TTC7B: variants seen among roughly 807,000 people sequenced by gnomAD.
TTC7B encodes the protein tetratricopeptide repeat protein 7B.
Under a neutral mutation model 106.8 loss-of-function variants are expected in TTC7B, and 28 were observed. The observed-to-expected ratio is 0.26, with a 90% CI of 0.19 to 0.36. The LOEUF (loss-of-function observed/expected upper bound fraction) is 0.36. TTC7B is among the 10% of genes least tolerant of loss of function. TTC7B has a pLI of 1.00. For missense variants in TTC7B, 862 were observed against 1,076.4 expected (o/e 0.80, Z 2.79); for synonymous variants, 405 against 430.6 (o/e 0.94, Z 0.74).
At chr14:90,641,329 C>T (rs895649533) in intron 15 of TTC7B, among the ~76,000 whole-genome samples, 6 of 152,222 alleles carry the variant, frequency 3.9e-5, no homozygotes, top group South Asian at 2.1e-4. Flanking sequence ...CTGACCCTCA[C>T]GGAGGGAAGG....
At chr14:90,745,874 T>A (rs1378120001) in intron 3 of TTC7B, among the ~76,000 whole-genome samples, 1 of 151,874 alleles carries the variant, frequency 6.6e-6, no homozygotes, top group Non-Finnish European at 1.5e-5. Flanking sequence ...CTGGCCAATT[T>A]TTTTTTTTAG....
rs1890888724 is a variant in TTC7B, at chr14:90,772,175, C to A, written c.445+8563G>T. ...CAGGAAGGAAAGCATACAGGTACCA[C>A]CGTTCTGCAGGGCAATCTGGAAATA... On this transcript the variant is annotated intron_variant, in intron 3 of 19. Transcript: ENST00000328459. 2.0e-5 allele frequency among the ~76,000 whole-genome samples: 3 copies of A among 151,858 alleles called. No individual in the cohort carries two copies. In the South Asian group the frequency reaches 6.2e-4, roughly 31 times the overall value.
In TTC7B at chr14:90,603,837, T is replaced by C. The variant is rs114165401; in HGVS notation, c.1966+6905A>G. On this transcript the variant is annotated intron_variant, in intron 17 of 19. Coordinates refer to ENST00000328459, the MANE Select transcript of TTC7B (RefSeq NM_001010854.2). Reference sequence around the variant, plus strand: ...ATTTGTCAGTATGTTTTCCCCCCTCTAACTAAATGCTGACTCTGTGGGAGG... The same window carrying C: ...ATTTGTCAGTATGTTTTCCCCCCTCCAACTAAATGCTGACTCTGTGGGAGG... 4.2e-3 allele frequency among the ~76,000 whole-genome samples: 643 copies of C among 152,340 alleles called. 6 individuals are homozygous for C. Among genetic ancestry groups the C allele is most frequent in the African/African-American group, 0.015 (623 of 41,578 alleles).
At chr14:90,785,530 C>A (rs1891357294) in intron 2 of TTC7B, among the ~76,000 whole-genome samples, 1 of 151,782 alleles carries the variant, frequency 6.6e-6, no homozygotes, top group Non-Finnish European at 1.5e-5. Context: ...GAGGAGATGA[C>A]CCCCATGAAA....
At chr14:90,643,207 G>A (rs1423331874) in intron 15 of TTC7B, among the ~76,000 whole-genome samples, 1 of 152,038 alleles carries the variant, frequency 6.6e-6, no homozygotes, top group Non-Finnish European at 1.5e-5. Context: ...AGGAGTTCAA[G>A]GCCAGCCTGA....
intron 3 of TTC7B, among the ~76,000 whole-genome samples, chr14:90,778,614 T>C (rs1050636242): frequency 1.3e-5 from 2 of 151,784 alleles, no homozygotes; most frequent in South Asian, 4.1e-4. Context: ...ACACAGCTGC[T>C]GAGGCACGTG....
intron 17 of TTC7B, among the ~76,000 whole-genome samples, chr14:90,605,942 T>G (rs578259838): frequency 1.4e-4 from 22 of 152,330 alleles, no homozygotes; most frequent in Admixed American, 5.9e-4. Flanking sequence ...ACAAATTTGT[T>G]TTTCCACTGG....
At chr14:90,671,842 C>T (rs760568310) in intron 9 of TTC7B, among the ~76,000 whole-genome samples, 1 of 152,178 alleles carries the variant, frequency 6.6e-6, no homozygotes, top group Non-Finnish European at 1.5e-5. Context: ...CACACAGAGG[C>T]GGCCGGTCTT....
chr14:90,649,324 A>C (rs1885612658), intron 13 of TTC7B, among the ~76,000 whole-genome samples: 1 of 152,246 alleles, frequency 6.6e-6, no homozygotes. Context: ...CAAAACAAGA[A>C]AAAGCTCCCT....
chr14:90,594,941 G>A (rs578029470), intron 17 of TTC7B, among the ~76,000 whole-genome samples: 10 of 152,348 alleles, frequency 6.6e-5, no homozygotes, highest in Admixed American at 3.3e-4. Context: ...GGAAATCAGA[G>A]TGGGCCGACA....
intron 5 of TTC7B, among the ~76,000 whole-genome samples, chr14:90,709,981 G>GAAAAAA (rs71461919): frequency 1.0e-3 from 79 of 76,568 alleles, no homozygotes; most frequent in Middle Eastern, 0.012. Flanking sequence ...TTATGTGCCA[G>GAAAAAA]AAAAAAAAAA....
At chr14:90,659,760 G>T (rs1210403390) in intron 9 of TTC7B, among the ~76,000 whole-genome samples, 5 of 152,202 alleles carry the variant, frequency 3.3e-5, no homozygotes, top group African/African-American at 1.2e-4. Context: ...AGATGGAGAT[G>T]AGGTATGAAG....
chr14:90,634,375 G>C (rs1884837830), intron 15 of TTC7B, among the ~76,000 whole-genome samples: 1 of 152,106 alleles, frequency 6.6e-6, no homozygotes, highest in Admixed American at 6.5e-5. Context: ...TCCAGCCATA[G>C]CATTAATTAT....
At chr14:90,549,058 G>A (rs1311287563) in intron 19 of TTC7B, among the ~76,000 whole-genome samples, 1 of 151,800 alleles carries the variant, frequency 6.6e-6, no homozygotes, top group African/African-American at 2.4e-5. Context: ...AACCCAGGAG[G>A]TGGAGCTTGC....
At chr14:90,809,577 C>A (rs1012501469) in intron 1 of TTC7B, among the ~76,000 whole-genome samples, 1 of 152,256 alleles carries the variant, frequency 6.6e-6, no homozygotes, top group Non-Finnish European at 1.5e-5. Context: ...AAACACTTGT[C>A]CTTGCAGGAC....
At chr14:90,601,352 T>A (rs1338538693) in intron 17 of TTC7B, among the ~76,000 whole-genome samples, 3 of 152,278 alleles carry the variant, frequency 2.0e-5, no homozygotes, top group Admixed American at 6.5e-5. Context: ...CATTCTTGAG[T>A]GTTAGAAAAT....
chr14:90,646,296 T>C (rs1003976609), intron 14 of TTC7B, among the ~76,000 whole-genome samples: 8 of 152,184 alleles, frequency 5.3e-5, no homozygotes, highest in Non-Finnish European at 8.8e-5. Context: ...TGGCCAGGCA[T>C]GTGGCCAACA....
At chr14:90,794,928 A>G (rs72695559) in intron 1 of TTC7B, among the ~76,000 whole-genome samples, 6,457 of 152,170 alleles carry the variant, frequency 0.042, 189 homozygotes, top group Non-Finnish European at 0.058. Context: ...CCAACACTCC[A>G]TGAGCACTGC....
rs530296133 is a variant in TTC7B at position 90,738,268 on chromosome 14, T to C, written c.576+6524A>G. 1.6e-4 allele frequency among the ~76,000 whole-genome samples: 24 copies of C among 152,260 alleles called. 1 individual carries two copies. In the South Asian group the frequency reaches 3.7e-3, roughly 24 times the overall value. On this transcript the variant is annotated intron_variant, in intron 4 of 19. Transcript: ENST00000328459. ...TAACTTTTAAACAATAGCAGCCCTG[T>C]CAAGGTTGCAAAGAAACCACTACTC...
Sources: allele counts gnomAD v4.1 joint callset (sites outside exome capture counted in the v4.1 genomes callset), GRCh38; gene constraint gnomAD v4.1.1; transcripts MANE v1.5; gene names NCBI Gene and HGNC (gene_info 2026-07-23, HGNC 2026-07-21).